Variants in GPHN observed in about 807,000 individuals in gnomAD.
GPHN encodes the protein gephyrin.
GPHN carries 17 observed loss-of-function variants against 95.5 expected under a neutral mutation model. The ratio of observed to expected loss-of-function variants is 0.18; its 90% CI spans 0.12 to 0.27. GPHN has a LOEUF of 0.27. Among genes scored for constraint, GPHN ranks in the 10% least tolerant of loss-of-function variants. GPHN has a pLI of 1.00. For synonymous variants in GPHN, 320 were observed against 322.5 expected, an observed-to-expected ratio of 0.99 and a Z score of 0.08; for missense variants, 660 against 978.1, an observed-to-expected ratio of 0.67 and a Z score of 4.34.
intron 17 of GPHN, among the ~76,000 whole-genome samples, chr14:67,123,755 G>A (rs2079137978): frequency 1.3e-5 from 2 of 152,250 alleles, no homozygotes; most frequent in African/African-American, 2.4e-5. Flanking sequence ...AGCTTTGAAT[G>A]TAGCCCAACA....
chr14:66,907,958 C>T (rs1215524252), intron 5 of GPHN, among the ~76,000 whole-genome samples: 1 of 151,870 alleles, frequency 6.6e-6, no homozygotes, highest in East Asian at 1.9e-4. Context: ...TTGGAGACAT[C>T]AGTATGAACT....
the GPHN span, among the ~76,000 whole-genome samples, chr14:67,673,144 A>G: frequency 3.3e-5 from 5 of 152,372 alleles, no homozygotes; most frequent in Admixed American, 2.6e-4. Context: ...GGAGTTAGAG[A>G]TCAGCCTGGC....
At chr14:67,067,243 C>T (rs959674397) in intron 11 of GPHN, among the ~76,000 whole-genome samples, 1 of 152,164 alleles carries the variant, frequency 6.6e-6, no homozygotes, top group African/African-American at 2.4e-5. Context: ...ACACTGTTTC[C>T]TTGGGTATCA....
At chr14:67,256,293 T>C in the GPHN span, among the ~76,000 whole-genome samples, 1 of 152,222 alleles carries the variant, frequency 6.6e-6, no homozygotes. Flanking sequence ...TAAACACTGT[T>C]CTGAAGCTTG....
At chr14:67,573,412 C>A in the GPHN span, 1 of 1,339,982 alleles carries the variant, frequency 7.5e-7, no homozygotes, top group Non-Finnish European at 1.1e-6. This position sits in a 1 kb window ranked among gnomAD's most constrained non-coding sequence, Gnocchi z 4.8. Flanking sequence ...CCCAGCACTG[C>A]AGTCAAAAGG....
chr14:67,091,307 A>G (rs1019457807), intron 12 of GPHN, among the ~76,000 whole-genome samples: 15 of 151,930 alleles, frequency 9.9e-5, no homozygotes, highest in African/African-American at 3.6e-4. Context: ...TTCCTTCTAC[A>G]GTGTTGATTA....
At chr14:66,755,895 G>A (rs1036089280) in intron 2 of GPHN, among the ~76,000 whole-genome samples, 9 of 152,160 alleles carry the variant, frequency 5.9e-5, no homozygotes, top group South Asian at 2.1e-4. Context: ...GCTGGTGAAT[G>A]AGCAAGAGAA....
At chr14:67,289,695 T>G in the GPHN span, among the ~76,000 whole-genome samples, 3 of 151,536 alleles carry the variant, frequency 2.0e-5, no homozygotes, top group Non-Finnish European at 4.4e-5. Flanking sequence ...TAAATAAGAG[T>G]CAGTGGTGTT....
At chr14:67,608,336 C>T in the GPHN span, among the ~76,000 whole-genome samples, 4 of 152,164 alleles carry the variant, frequency 2.6e-5, no homozygotes, top group Non-Finnish European at 5.9e-5. Flanking sequence ...TGGCTATTTA[C>T]ATATAATTTA....
chr14:66,665,181 A>G (rs2065880342), intron 1 of GPHN, among the ~76,000 whole-genome samples: 1 of 152,176 alleles, frequency 6.6e-6, no homozygotes, highest in African/African-American at 2.4e-5. Flanking sequence ...ATACAAAAAC[A>G]AAAGAAAACT....
chr14:66,722,119 T>G (rs929310462), intron 2 of GPHN, among the ~76,000 whole-genome samples: 1 of 151,990 alleles, frequency 6.6e-6, no homozygotes, highest in Non-Finnish European at 1.5e-5. Context: ...TAATAAAATA[T>G]TTTATAAGCA....
At chr14:66,989,237 T>A (rs1333630736) in intron 9 of GPHN, among the ~76,000 whole-genome samples, 2 of 151,760 alleles carry the variant, frequency 1.3e-5, no homozygotes, top group Admixed American at 1.3e-4. Flanking sequence ...TATTTTGTCA[T>A]TTTTTTTAAA....
the GPHN span, among the ~76,000 whole-genome samples, chr14:67,430,481 C>T: frequency 6.6e-6 from 1 of 152,152 alleles, no homozygotes; most frequent in Non-Finnish European, 1.5e-5. Context: ...AGCCTTCCCA[C>T]GTGGGCTCAC....
At chr14:67,213,553 C>G in the GPHN span, among the ~76,000 whole-genome samples, 1 of 151,968 alleles carries the variant, frequency 6.6e-6, no homozygotes, top group Non-Finnish European at 1.5e-5. Flanking sequence ...TTTTCTTAAT[C>G]CAGTTTATCA....
intron 1 of GPHN, among the ~76,000 whole-genome samples, chr14:66,624,645 T>C (rs1039587544): frequency 6.6e-6 from 1 of 152,212 alleles, no homozygotes; most frequent in Non-Finnish European, 1.5e-5. Context: ...TCAGTCTGTG[T>C]GCCAAATTTG....
At chr14:67,609,039 C>T in the GPHN span, among the ~76,000 whole-genome samples, 1 of 152,204 alleles carries the variant, frequency 6.6e-6, no homozygotes, top group Non-Finnish European at 1.5e-5. Context: ...GTGCCCCTGA[C>T]TTGAGACATC....
intron 8 of GPHN, among the ~76,000 whole-genome samples, chr14:66,951,698 T>A (rs2068121361): frequency 6.6e-6 from 1 of 152,142 alleles, no homozygotes; most frequent in South Asian, 2.1e-4. Flanking sequence ...AAGTAACTTC[T>A]TAATGGTGCC....
At chr14:67,482,690 CCT>C in the GPHN span, among the ~76,000 whole-genome samples, 2 of 152,202 alleles carry the variant, frequency 1.3e-5, no homozygotes, top group African/African-American at 4.8e-5. Context: ...CTGAACTTCC[CCT>C]GTTGTCATCA....
the GPHN span, chr14:67,678,201 G>C: frequency 3.0e-6 from 2 of 671,584 alleles, no homozygotes; most frequent in Non-Finnish European, 2.7e-6. Flanking sequence ...AGCAGGCAAG[G>C]CTGGAAGGTT....
Sources: gnomAD v4.1 joint callset for allele counts (sites outside exome capture counted in the v4.1 genomes callset) on GRCh38, gnomAD v4.1.1 for gene constraint, Gnocchi (gnomAD v3.1) non-coding constraint, MANE v1.5 for transcripts, NCBI Gene and HGNC (gene_info 2026-07-23, HGNC 2026-07-21) for gene names.